ZNF407: variants seen among roughly 807,000 people sequenced by gnomAD.
ZNF407 encodes the protein zinc finger protein 407.
ZNF407 carries 17 observed loss-of-function variants against 131.2 expected under a neutral mutation model. That is an observed-to-expected ratio of 0.13 (90% CI 0.09 to 0.19). The LOEUF is 0.19. Among genes scored for constraint, ZNF407 ranks in the 10% least tolerant of loss-of-function variants. ZNF407 has a pLI of 1.00. For missense variants in ZNF407, 2,681 were observed against 2,830.6 expected, an observed-to-expected ratio of 0.95 and a Z score of 1.20; for synonymous variants, 1,156 against 1,062.0, an observed-to-expected ratio of 1.09 and a Z score of -1.72.
At chr18:74,776,015 A>G (rs563524624) in intron 3 of ZNF407, among the ~76,000 whole-genome samples, 1 of 152,318 alleles carries the variant, frequency 6.6e-6, no homozygotes, top group Non-Finnish European at 1.5e-5. Flanking sequence ...AACATTGCGG[A>G]TTGCAATTCA....
At chr18:74,929,242 C>T (rs1037745349) in intron 8 of ZNF407, among the ~76,000 whole-genome samples, 1 of 152,162 alleles carries the variant, frequency 6.6e-6, no homozygotes, top group African/African-American at 2.4e-5. Context: ...CGAGCCGCGC[C>T]AGCGCTTCCT....
In ZNF407 at chr18:74,886,498, A is replaced by G. The variant is rs545560335; in HGVS notation, c.5129-3420A>G. On this transcript the variant is annotated intron_variant, in intron 6 of 8. Coordinates refer to ENST00000299687, the MANE Select transcript of ZNF407 (RefSeq NM_017757.3). ...GTAGCCAAAAATGGAAACAACTCAA[A>G]TGTCCTTCAGTAGACAAATGGATAA... Among the ~76,000 whole-genome samples, 131 of 152,312 alleles carry G rather than the reference A, an allele frequency of 8.6e-4. 1 individual carries two copies. The highest frequency in any genetic ancestry group is 1.7e-3 in the Non-Finnish European group (113 of 68,018).
At chr18:75,018,102 G>A (rs890063210) in intron 8 of ZNF407, among the ~76,000 whole-genome samples, 3 of 152,062 alleles carry the variant, frequency 2.0e-5, no homozygotes, top group East Asian at 1.9e-4. Flanking sequence ...TGTGAACAAC[G>A]GAATTAATAG....
intron 8 of ZNF407, among the ~76,000 whole-genome samples, chr18:74,950,422 A>G (rs1972200624): frequency 6.6e-6 from 1 of 152,182 alleles, no homozygotes; most frequent in Admixed American, 6.6e-5. Context: ...TGCTGCTCAC[A>G]TGGAGGTCAA....
At chr18:74,966,428 C>T (rs768842564) in intron 8 of ZNF407, among the ~76,000 whole-genome samples, 2 of 152,148 alleles carry the variant, frequency 1.3e-5, no homozygotes, top group Non-Finnish European at 2.9e-5. Flanking sequence ...GCTGTCTTTT[C>T]CACAGTGAAT....
At chr18:74,686,260 T>C (rs1378120382) in intron 3 of ZNF407, among the ~76,000 whole-genome samples, 3 of 152,228 alleles carry the variant, frequency 2.0e-5, no homozygotes. Flanking sequence ...TGTTTTGTTC[T>C]CTTCCAAATC....
chr18:74,949,916 G>T (rs946429119), intron 8 of ZNF407, among the ~76,000 whole-genome samples: 2 of 152,148 alleles, frequency 1.3e-5, no homozygotes, highest in Non-Finnish European at 2.9e-5. Flanking sequence ...GAATTAAAAT[G>T]TTCAAGAAAA....
chr18:74,738,060 C>A (rs888081015), intron 3 of ZNF407, among the ~76,000 whole-genome samples: 2 of 151,972 alleles, frequency 1.3e-5, no homozygotes, highest in Non-Finnish European at 2.9e-5. Flanking sequence ...GATTTAAAAA[C>A]CAAATACTGT....
chr18:74,663,776 A>G (rs139063770), intron 3 of ZNF407, among the ~76,000 whole-genome samples: 206 of 152,296 alleles, frequency 1.4e-3, no homozygotes, highest in African/African-American at 4.8e-3. Flanking sequence ...CTATTGAGAG[A>G]TTTTAGAGAG....
chr18:75,037,497 C>T (rs1220292884), intron 8 of ZNF407, among the ~76,000 whole-genome samples: 1 of 151,764 alleles, frequency 6.6e-6, no homozygotes, highest in Admixed American at 6.6e-5. Flanking sequence ...TGCTGTGCTG[C>T]GGTCTTGTCT....
intron 8 of ZNF407, among the ~76,000 whole-genome samples, chr18:75,007,423 G>A (rs1173713236): frequency 1.3e-5 from 2 of 152,118 alleles, no homozygotes; most frequent in Admixed American, 6.5e-5. Context: ...ACAGGGCACC[G>A]CAGCGCCTTA....
At chr18:74,730,555 G>A (rs145638284) in intron 3 of ZNF407, among the ~76,000 whole-genome samples, 6 of 152,124 alleles carry the variant, frequency 3.9e-5, no homozygotes, top group Admixed American at 6.5e-5. Flanking sequence ...GGTTCAGGTC[G>A]CTGCTACTTT....
At chr18:74,757,249 G>A (rs987613436) in intron 3 of ZNF407, among the ~76,000 whole-genome samples, 1 of 151,906 alleles carries the variant, frequency 6.6e-6, no homozygotes, top group African/African-American at 2.4e-5. Context: ...GAGGCAGTAA[G>A]AATGGAGACT....
chr18:74,663,130 T>G (rs1985784268), intron 3 of ZNF407, among the ~76,000 whole-genome samples: 1 of 152,166 alleles, frequency 6.6e-6, no homozygotes, highest in African/African-American at 2.4e-5. Flanking sequence ...ACCTAGTTTT[T>G]TTTTAAGTAA....
intron 3 of ZNF407, among the ~76,000 whole-genome samples, chr18:74,645,968 G>A (rs1437753435): frequency 1.3e-5 from 2 of 152,098 alleles, no homozygotes; most frequent in Admixed American, 6.5e-5. Context: ...ACCTCTAATG[G>A]TACAAGTCAT....
chr18:74,764,646 G>T (rs1389792147), intron 3 of ZNF407, among the ~76,000 whole-genome samples: 1 of 152,208 alleles, frequency 6.6e-6, no homozygotes. Flanking sequence ...GGGAGGATGT[G>T]CATAGGTTAT....
intron 8 of ZNF407, among the ~76,000 whole-genome samples, chr18:75,025,117 C>A (rs1973156427): frequency 6.6e-6 from 1 of 152,086 alleles, no homozygotes; most frequent in African/African-American, 2.4e-5. Context: ...TTTTGCTTGA[C>A]AAAAAGCTAA....
At chr18:74,884,612 A>G (rs1971282961) in intron 6 of ZNF407, among the ~76,000 whole-genome samples, 1 of 152,196 alleles carries the variant, frequency 6.6e-6, no homozygotes, top group Non-Finnish European at 1.5e-5. Flanking sequence ...TGTGTGGTCA[A>G]AGAAAATATG....
At chr18:74,653,798 T>C (rs913066301) in intron 3 of ZNF407, among the ~76,000 whole-genome samples, 1 of 151,848 alleles carries the variant, frequency 6.6e-6, no homozygotes, top group Non-Finnish European at 1.5e-5. Flanking sequence ...AGTGTTTCCT[T>C]ATGATAACTT....
Sources: allele counts gnomAD v4.1 joint callset (sites outside exome capture counted in the v4.1 genomes callset), GRCh38; gene constraint gnomAD v4.1.1; transcripts MANE v1.5; gene names NCBI Gene and HGNC (gene_info 2026-07-23, HGNC 2026-07-21).